ASXL3: variants seen among roughly 807,000 people sequenced by gnomAD.
ASXL3 encodes ASXL transcriptional regulator 3.
Under a neutral mutation model 170.6 loss-of-function variants are expected in ASXL3, and 34 were observed. That is an observed-to-expected ratio of 0.20 (90% CI 0.15 to 0.27). ASXL3 has a LOEUF of 0.27. ASXL3 is among the 10% of genes least tolerant of loss of function. The pLI, the probability that ASXL3 is intolerant of heterozygous loss-of-function variation, is 1.00. For synonymous variants in ASXL3, 1,002 were observed against 989.1 expected, an observed-to-expected ratio of 1.01 and a Z score of -0.24; for missense variants, 2,592 against 2,695.3, an observed-to-expected ratio of 0.96 and a Z score of 0.85.
At chr18:33,703,603 C>T (rs2066913581) in intron 8 of ASXL3, among the ~76,000 whole-genome samples, 1 of 152,068 alleles carries the variant, frequency 6.6e-6, no homozygotes, top group South Asian at 2.1e-4. Flanking sequence ...CTCTGCCTCT[C>T]CCATTGAATT....
At chr18:33,693,363 A>G (rs1025097032) in intron 8 of ASXL3, among the ~76,000 whole-genome samples, 4 of 152,216 alleles carry the variant, frequency 2.6e-5, no homozygotes, top group Non-Finnish European at 4.4e-5. Flanking sequence ...CAAAAGTTTT[A>G]GAATACATAA....
intron 7 of ASXL3, among the ~76,000 whole-genome samples, chr18:33,678,098 T>G (rs957052111): frequency 7.3e-5 from 11 of 150,308 alleles, no homozygotes; most frequent in African/African-American, 2.7e-4. Flanking sequence ...ATTTATTTAT[T>G]TATTTATTTA....
In ASXL3 at chr18:33,739,589, T is replaced by A. The variant is rs2067618905; in HGVS notation, c.2185T>A (p.Ser729Thr). Residue 729 changes from serine (S) to threonine (T), a missense_variant, in exon 11 of 12, where the codon TCT (serine) becomes ACT (threonine). By Grantham distance (58) the Ser-to-Thr change is moderately conservative. Around this residue, in one of 4 missense-constraint regions of ASXL3, gnomAD observed 2,246 missense variants for 2,219.6 expected, o/e 1.01. Coordinates refer to ENST00000269197, the MANE Select transcript of ASXL3 (RefSeq NM_030632.3). The stretch of plus-strand genomic sequence containing the variant: ...TGACTTACCTTTAACATCAGAAACT[T>A]CTTCAGTGTCTTCCATGCTTCTCAC... ...MSDLPLTSETSSVSSMLLTSE... is the reference protein window; with the variant it reads ...MSDLPLTSETTSVSSMLLTSE... The A allele has an allele frequency of 1.2e-6, 2 of 1,613,948 alleles. No individual in the cohort carries two copies. Among genetic ancestry groups the A allele is most frequent in the East Asian group, 4.5e-5 (2 of 44,872 alleles).
At chr18:33,647,679 A>G (rs917147944) in intron 4 of ASXL3, among the ~76,000 whole-genome samples, 4 of 152,056 alleles carry the variant, frequency 2.6e-5, no homozygotes, top group African/African-American at 7.2e-5. Flanking sequence ...CTCAACATAT[A>G]TACTGAGCTT....
At position 33,747,328 on chromosome 18, in the gene ASXL3, T is replaced by A. The variant is rs1211031584; in HGVS notation, c.*733T>A. On this transcript the variant is annotated 3_prime_UTR_variant, in exon 12 of 12. Transcript: ENST00000269197. Reference sequence around the variant, plus strand: ...AATCTGGTTCTAGGCCTTTGACACCTGATAATATGAGAGCAATTGGCCAGC... The same window carrying A: ...AATCTGGTTCTAGGCCTTTGACACCAGATAATATGAGAGCAATTGGCCAGC... The A allele has an allele frequency of 1.3e-5, 2 of 151,268 alleles. No homozygotes were observed. Among genetic ancestry groups the A allele is most frequent in the Non-Finnish European group, 2.9e-5 (2 of 67,958 alleles). 9.4% of individuals were successfully genotyped at this position (151,268 alleles called of 1,614,324 possible). A position where few individuals can be genotyped will look rare whatever the true frequency, so the allele number is the denominator to read the frequency against.
At chr18:33,708,384 T>A (rs1431912189) in intron 8 of ASXL3, among the ~76,000 whole-genome samples, 1 of 152,186 alleles carries the variant, frequency 6.6e-6, no homozygotes, top group Non-Finnish European at 1.5e-5. Context: ...ATATTGAATG[T>A]GTACATGTTG....
chr18:33,589,962 A>G, intron 1 of ASXL3, among the ~76,000 whole-genome samples: 1 of 152,122 alleles, frequency 6.6e-6, no homozygotes, highest in Admixed American at 6.6e-5. Context: ...AGTGTGTATT[A>G]GTTGAGTTTC....
chr18:33,748,461 G>A lies in ASXL3; in HGVS notation c.*1866G>A, dbSNP rs1486097401. On this transcript the variant is annotated 3_prime_UTR_variant, in exon 12 of 12. Transcript: ENST00000269197. ...GCCTGCTGCTGTAGCCATGATTTTG[G>A]TGCTTCAGTACTGTCATTTCTGTTT... 1 of 152,116 alleles carries A rather than the reference G, an allele frequency of 6.6e-6. No homozygotes were observed. The highest frequency in any genetic ancestry group is 1.5e-5 in the Non-Finnish European group (1 of 68,020). The allele number at this position is 152,116 out of a possible 1,614,324, so 9.4% of individuals were successfully genotyped here. A position where few individuals can be genotyped will look rare whatever the true frequency, so the allele number is the denominator to read the frequency against.
intron 2 of ASXL3, among the ~76,000 whole-genome samples, chr18:33,622,719 G>A (rs1023063218): frequency 6.6e-6 from 1 of 152,142 alleles, no homozygotes; most frequent in African/African-American, 2.4e-5. Flanking sequence ...GCAGCTGGAA[G>A]AAGGGGCATG....
intron 8 of ASXL3, among the ~76,000 whole-genome samples, chr18:33,731,422 A>C (rs1359658827): frequency 6.6e-6 from 1 of 152,164 alleles, no homozygotes; most frequent in Non-Finnish European, 1.5e-5. Context: ...TTCTGCTTCT[A>C]CAGTAATGCT....
intron 10 of ASXL3, among the ~76,000 whole-genome samples, chr18:33,735,908 G>A (rs960060451): frequency 1.3e-5 from 2 of 152,116 alleles, no homozygotes; most frequent in African/African-American, 4.8e-5. Context: ...GAGAGCCTCA[G>A]TTCAAGGGAC....
At chr18:33,733,280 C>T (rs555730430) in intron 9 of ASXL3, among the ~76,000 whole-genome samples, 1 of 152,202 alleles carries the variant, frequency 6.6e-6, no homozygotes, top group South Asian at 2.1e-4. Flanking sequence ...CACTTTTAAC[C>T]AAAATGCCTA....
chr18:33,600,967 C>T (rs1038585887), intron 1 of ASXL3, among the ~76,000 whole-genome samples: 1 of 152,054 alleles, frequency 6.6e-6, no homozygotes, highest in African/African-American at 2.4e-5. Flanking sequence ...TTGTAACAAG[C>T]AAAACAAGAT....
At chr18:33,612,223 G>C (rs896670444) in intron 2 of ASXL3, among the ~76,000 whole-genome samples, 1 of 151,608 alleles carries the variant, frequency 6.6e-6, no homozygotes, top group African/African-American at 2.4e-5. Flanking sequence ...AAGCAATTAA[G>C]AAAACCTCTG....
intron 8 of ASXL3, among the ~76,000 whole-genome samples, chr18:33,685,589 G>A (rs1394430241): frequency 6.6e-6 from 1 of 152,168 alleles, no homozygotes; most frequent in African/African-American, 2.4e-5. Context: ...CATTTGCATT[G>A]CTATAAAGAA....
In ASXL3 at chr18:33,686,445, A is replaced by G. The variant is rs76211243; in HGVS notation, c.879+2877A>G. Reference sequence around the variant, plus strand: ...TATGAAGAAAGTCTTTTGAAGATGTAGAGGATGAAGAAGTTTAATCTGAAT... The same window carrying G: ...TATGAAGAAAGTCTTTTGAAGATGTGGAGGATGAAGAAGTTTAATCTGAAT... On this transcript the variant is annotated intron_variant, in intron 8 of 11. Coordinates refer to ENST00000269197, the MANE Select transcript of ASXL3 (RefSeq NM_030632.3). 2.8e-3 allele frequency among the ~76,000 whole-genome samples: 424 copies of G among 152,346 alleles called. 1 individual carries two copies. The highest frequency in any genetic ancestry group is 9.4e-3 in the African/African-American group (390 of 41,574).
intron 1 of ASXL3, among the ~76,000 whole-genome samples, chr18:33,603,628 G>A (rs761358422): frequency 6.6e-6 from 1 of 152,012 alleles, no homozygotes; most frequent in African/African-American, 2.4e-5. Context: ...CCACCACTAG[G>A]AAGGCAGCTA....
chr18:33,708,110 T>C (rs993592403), intron 8 of ASXL3, among the ~76,000 whole-genome samples: 11 of 152,172 alleles, frequency 7.2e-5, no homozygotes, highest in South Asian at 4.1e-4. Context: ...TGATGGTTTT[T>C]GGTAATACAA....
chr18:33,599,499 G>A (rs2065162250), intron 1 of ASXL3, among the ~76,000 whole-genome samples: 1 of 152,100 alleles, frequency 6.6e-6, no homozygotes, highest in Non-Finnish European at 1.5e-5. Context: ...GAATAACTTG[G>A]AGGAATAAGT....
Sources: allele counts gnomAD v4.1 joint callset (sites outside exome capture counted in the v4.1 genomes callset), GRCh38; gene constraint gnomAD v4.1.1; regional missense constraint gnomAD v4.1.1; transcripts MANE v1.5; gene names NCBI Gene and HGNC (gene_info 2026-07-23, HGNC 2026-07-21).